The following FLRT1 variants were observed in gnomAD, a reference collection of about 807,000 sequenced individuals.
FLRT1 encodes the protein fibronectin leucine rich transmembrane protein 1.
FLRT1 carries 14 observed loss-of-function variants against 30.9 expected under a neutral mutation model. The observed-to-expected ratio is 0.45, with a 90% CI of 0.30 to 0.71. The LOEUF (loss-of-function observed/expected upper bound fraction) is 0.71. FLRT1 is among the 30% of genes least tolerant of loss of function. The pLI is 0.08. For missense variants in FLRT1, 737 were observed against 949.2 expected, an observed-to-expected ratio of 0.78 and a Z score of 2.94; for synonymous variants, 368 against 430.4, an observed-to-expected ratio of 0.85 and a Z score of 1.80.
At chr11:64,061,552 T>C (rs181467596) in intron 1 of FLRT1, among the ~76,000 whole-genome samples, 2 of 152,278 alleles carry the variant, frequency 1.3e-5, no homozygotes, top group East Asian at 3.9e-4. Flanking sequence ...CCATTCAGGG[T>C]TCTGAGCACC....
intron 1 of FLRT1, among the ~76,000 whole-genome samples, chr11:64,066,585 T>C (rs1450766891): frequency 4.0e-5 from 6 of 149,206 alleles, no homozygotes; most frequent in East Asian, 4.0e-4. Context: ...TACCTGTGAA[T>C]AGCCACTGCA....
Position 64,116,479 on chromosome 11 carries a change from G to A in FLRT1, c.212G>A (p.Gly71Glu). 6.2e-7 allele frequency: 1 copy of A among 1,613,894 alleles called. No homozygotes were observed. The highest frequency in any genetic ancestry group is 8.5e-7 in the Non-Finnish European group (1 of 1,179,954). Residue 71 changes from glycine (G) to glutamate (E), a missense_variant, in exon 3 of 3, where the codon GGA becomes GAA. By Grantham distance (98) the Gly-to-Glu change is moderately conservative. Transcript: ENST00000682287. ...GGCTTCATCTACTGCAACGACCGGGGACTCACATCCATCCCCGCAGATATC... is the reference window on the plus strand; with the variant it reads ...GGCTTCATCTACTGCAACGACCGGGAACTCACATCCATCCCCGCAGATATC... ...DNGFIYCNDRGLTSIPADIPD... is the reference protein window; with the variant it reads ...DNGFIYCNDRELTSIPADIPD...
chr11:64,044,773 T>C (rs1479010664), intron 1 of FLRT1, among the ~76,000 whole-genome samples: 1 of 152,088 alleles, frequency 6.6e-6, no homozygotes, highest in Non-Finnish European at 1.5e-5. Context: ...TGCTCCCCCC[T>C]CACCAGACCC....
chr11:64,050,003 A>C (rs1943660712), intron 1 of FLRT1, among the ~76,000 whole-genome samples: 1 of 152,172 alleles, frequency 6.6e-6, no homozygotes, highest in African/African-American at 2.4e-5. Flanking sequence ...CCATATTATA[A>C]ATAATGCTAT....
intron 1 of FLRT1, among the ~76,000 whole-genome samples, chr11:64,040,776 G>T (rs1033117735): frequency 1.3e-5 from 2 of 152,158 alleles, no homozygotes; most frequent in East Asian, 1.9e-4. Context: ...GTGGGCTGGG[G>T]TGCAGGCAGA....
chr11:64,061,105 G>C (rs1341617867), intron 1 of FLRT1, among the ~76,000 whole-genome samples: 1 of 152,212 alleles, frequency 6.6e-6, no homozygotes, highest in Non-Finnish European at 1.5e-5. Context: ...CGCGCTGGAA[G>C]GACTTTGGTA....
intron 1 of FLRT1, among the ~76,000 whole-genome samples, chr11:64,073,561 G>C (rs1037845483): frequency 1.3e-5 from 2 of 152,240 alleles, no homozygotes; most frequent in African/African-American, 4.8e-5. Context: ...ATTAGTGCCA[G>C]TTGCCTGCCG....
intron 2 of FLRT1, among the ~76,000 whole-genome samples, chr11:64,108,443 T>C (rs763331107): frequency 3.3e-5 from 5 of 151,972 alleles, no homozygotes; most frequent in Non-Finnish European, 7.4e-5. Flanking sequence ...GGAGGGGAGC[T>C]CTCCCTGGGT....
intron 1 of FLRT1, among the ~76,000 whole-genome samples, chr11:64,070,541 G>A (rs144235418): frequency 1.3e-3 from 200 of 152,284 alleles, no homozygotes; most frequent in African/African-American, 4.4e-3. Flanking sequence ...AGCAGAGCTC[G>A]AGAACTCGAA....
chr11:64,048,972 C>G (rs1943638490), intron 1 of FLRT1, among the ~76,000 whole-genome samples: 1 of 134,792 alleles, frequency 7.4e-6, no homozygotes, highest in African/African-American at 3.1e-5. Flanking sequence ...CATTTTAGAG[C>G]CAAGGAAACT....
intron 1 of FLRT1, among the ~76,000 whole-genome samples, chr11:64,051,938 C>T (rs1406689991): frequency 6.6e-6 from 1 of 151,820 alleles, no homozygotes; most frequent in Non-Finnish European, 1.5e-5. Flanking sequence ...ACTCCAAGGC[C>T]ACTGGTGCCC....
chr11:64,039,879 G>A (rs191249390), intron 1 of FLRT1, among the ~76,000 whole-genome samples: 1 of 152,168 alleles, frequency 6.6e-6, no homozygotes. Context: ...TAGTGAGGGT[G>A]GGGGAGAGGA....
intron 1 of FLRT1, among the ~76,000 whole-genome samples, chr11:64,086,111 C>T (rs1944389647): frequency 6.6e-6 from 1 of 152,180 alleles, no homozygotes. Context: ...GCCATGAGCA[C>T]TCAGCACTGG....
chr11:64,048,131 G>A (rs1329512029), intron 1 of FLRT1, among the ~76,000 whole-genome samples: 1 of 152,184 alleles, frequency 6.6e-6, no homozygotes, highest in Non-Finnish European at 1.5e-5. Flanking sequence ...GCAGGGCCGG[G>A]CAGGGGCCCT....
chr11:64,041,136 C>T (rs1468151815), intron 1 of FLRT1, among the ~76,000 whole-genome samples: 1 of 148,130 alleles, frequency 6.8e-6, no homozygotes, highest in African/African-American at 2.6e-5. Flanking sequence ...TTTTTCACGC[C>T]CCTTTCCCTC....
chr11:64,111,894 G>C (rs1944869993), intron 2 of FLRT1, among the ~76,000 whole-genome samples: 1 of 152,190 alleles, frequency 6.6e-6, no homozygotes, highest in Non-Finnish European at 1.5e-5. Flanking sequence ...AGGAGAGTGG[G>C]CATCTCCATG....
intron 1 of FLRT1, among the ~76,000 whole-genome samples, chr11:64,092,896 T>C (rs1486941935): frequency 6.6e-6 from 1 of 152,242 alleles, no homozygotes; most frequent in Non-Finnish European, 1.5e-5. Flanking sequence ...CAAACTTCAA[T>C]TGGCATCTTT....
chr11:64,115,837 T>C (rs1944967590), intron 2 of FLRT1, among the ~76,000 whole-genome samples: 2 of 152,212 alleles, frequency 1.3e-5, no homozygotes, highest in Non-Finnish European at 2.9e-5. Context: ...ACCTTTAGCG[T>C]TGGCCATAAA....
At chr11:64,057,700 C>T (rs759962382) in intron 1 of FLRT1, among the ~76,000 whole-genome samples, 1 of 152,226 alleles carries the variant, frequency 6.6e-6, no homozygotes, top group Non-Finnish European at 1.5e-5. Flanking sequence ...TCTATCTGTA[C>T]CCAGACCTGA....
Sources: allele counts gnomAD v4.1 joint callset (sites outside exome capture counted in the v4.1 genomes callset), GRCh38; gene constraint gnomAD v4.1.1; transcripts MANE v1.5; gene names NCBI Gene and HGNC (gene_info 2026-07-23, HGNC 2026-07-21).